PTPN13: variants seen among roughly 807,000 people sequenced by gnomAD.
PTPN13 encodes protein tyrosine phosphatase non-receptor type 13.
A neutral mutation model predicts 284.0 loss-of-function variants in PTPN13; 191 were observed. The observed-to-expected ratio is 0.67, with a 90% CI of 0.60 to 0.76. PTPN13 has a LOEUF of 0.76. Among genes scored for constraint, PTPN13 ranks in the 30% least tolerant of loss-of-function variants. The pLI is 0.00. For missense variants in PTPN13, 2,797 were observed against 2,939.9 expected, an observed-to-expected ratio of 0.95 and a Z score of 1.12; for synonymous variants, 986 against 1,022.3, an observed-to-expected ratio of 0.96 and a Z score of 0.68.
intron 15 of PTPN13, 71 bp downstream of exon 15, chr4:86,735,817 A>T (rs1439569364): frequency 2.1e-6 from 3 of 1,402,546 alleles, no homozygotes; most frequent in Non-Finnish European, 2.9e-6. Context: ...TAGAGGACAC[A>T]TATCTAAGAG....
At chr4:86,607,862 A>T (rs986916580) in intron 1 of PTPN13, among the ~76,000 whole-genome samples, 1 of 152,048 alleles carries the variant, frequency 6.6e-6, no homozygotes, top group Non-Finnish European at 1.5e-5. Flanking sequence ...CACAGCGCCG[A>T]GTTCCTATAA....
intron 15 of PTPN13, among the ~76,000 whole-genome samples, chr4:86,738,261 A>G (rs181654543): frequency 2.0e-5 from 3 of 152,298 alleles, no homozygotes; most frequent in South Asian, 2.1e-4. Flanking sequence ...TGGCAAGTGC[A>G]TGTTTAACTT....
chr4:86,663,293 C>T (rs575697576), intron 2 of PTPN13, among the ~76,000 whole-genome samples: 5 of 152,232 alleles, frequency 3.3e-5, no homozygotes, highest in Admixed American at 2.0e-4. Flanking sequence ...ATTGAAAACC[C>T]GAAGGTACAA....
chr4:86,781,184 C>T (rs947403726), intron 36 of PTPN13, among the ~76,000 whole-genome samples: 4 of 152,140 alleles, frequency 2.6e-5, no homozygotes, highest in African/African-American at 9.7e-5. Context: ...TCCATCTCAA[C>T]TTTTATCTTT....
Position 86,689,123 on chromosome 4 carries a change from G to A in PTPN13, c.479G>A (p.Ser160Asn). The A allele has an allele frequency of 6.2e-7, 1 of 1,613,534 alleles. No homozygotes were observed. Among genetic ancestry groups the A allele is most frequent in the African/African-American group, 1.3e-5 (1 of 75,036 alleles). The change falls in exon 5 of 48, where the codon AGC becomes AAC. Residue 160 changes from serine to asparagine, a missense_variant. Transcript: ENST00000411767. The part of the protein sequence containing the change: ...LDACSAHIRN[S>N]NCAPSFSYVK... ...GCTTGCAGTGCCCACATTAGGAATA[G>A]CAATTGTGCACCCTCATTTTCCTAC...
chr4:86,807,588 T>A lies in PTPN13; in HGVS notation c.6774T>A (p.Asp2258Glu). Residue 2258 changes from aspartate to glutamate, a missense_variant, in exon 45 of 48, where the codon GAT becomes GAA. Asp to Glu is a conservative substitution (Grantham distance 45). Coordinates refer to ENST00000411767, the MANE Select transcript of PTPN13 (RefSeq NM_080683.3). ...ATGCTACAAGAGTGCCTCTTGGAGA[T>A]GAAGGTGGCTATATCAATGCCAGCT... ...PYDATRVPLG[D>E]EGGYINASFI... 2 of 1,613,126 alleles carry A rather than the reference T, an allele frequency of 1.2e-6. No homozygotes were observed. Among genetic ancestry groups the A allele is most frequent in the Non-Finnish European group, 1.7e-6 (2 of 1,179,284 alleles).
chr4:86,663,791 A>G (rs1346843027), intron 2 of PTPN13, among the ~76,000 whole-genome samples: 1 of 152,212 alleles, frequency 6.6e-6, no homozygotes, highest in African/African-American at 2.4e-5. Context: ...TAATGTAATT[A>G]TAATTTGGAT....
intron 2 of PTPN13, among the ~76,000 whole-genome samples, chr4:86,653,534 T>A (rs564141600): frequency 6.6e-6 from 1 of 152,092 alleles, no homozygotes; most frequent in African/African-American, 2.4e-5. Context: ...TGTTTTTTAT[T>A]AACCATTCAC....
Position 86,762,776 on chromosome 4 carries a change from G to A in PTPN13, c.3603G>A (p.Lys1201=). 1.2e-6 allele frequency: 2 copies of A among 1,607,556 alleles called. No homozygotes were observed. Among genetic ancestry groups the A allele is most frequent in the Non-Finnish European group, 1.7e-6 (2 of 1,174,496 alleles). Residue 1201 remains lysine (K), a synonymous_variant, in exon 24 of 48, where the codon AAG becomes AAA. Coordinates refer to ENST00000411767, the MANE Select transcript of PTPN13 (RefSeq NM_080683.3). ...HLTNEMKNYM[K]KSSYMQDSAI... ...CCAATGAGATGAAAAACTACATGAA[G>A]AAATCTTCCTACATGCAAGACAGTG...
intron 23 of PTPN13, 66 bp from the exon 24 acceptor site, chr4:86,762,661 T>G: frequency 8.5e-7 from 1 of 1,180,304 alleles, no homozygotes; most frequent in Non-Finnish European, 1.2e-6. Context: ...TCAAGAAACA[T>G]TGTGTATGTG....
intron 3 of PTPN13, among the ~76,000 whole-genome samples, chr4:86,679,075 C>T (rs1057136428): frequency 1.3e-5 from 2 of 152,194 alleles, no homozygotes; most frequent in Admixed American, 6.5e-5. Context: ...TTGTCTGAGC[C>T]GTCTTTATTT....
Position 86,719,045 on chromosome 4 carries a change from A to G in PTPN13, c.1385+1928A>G, listed in dbSNP as rs570067202. On this transcript the variant is annotated intron_variant, in intron 9 of 47. Transcript: ENST00000411767. The stretch of plus-strand genomic sequence containing the variant: ...AAGGTTTGTTATATAAACACGTGAC[A>G]GGGGTTTGTATACATACTATTTTGT... Among the ~76,000 whole-genome samples, 361 of 152,226 alleles carry G rather than the reference A, an allele frequency of 2.4e-3. 3 individuals carry two copies. Among genetic ancestry groups the G allele is most frequent in the Middle Eastern group, 0.014 (4 of 294 alleles).
rs146521020 is a variant in PTPN13, at chr4:86,758,129, TA to T, written c.3224-128del. 802 of 545,638 alleles carry T rather than the reference TA, an allele frequency of 1.5e-3. 1 individual carries two copies. Among genetic ancestry groups the T allele is most frequent in the African/African-American group, 0.014 (725 of 53,418 alleles). The allele number at this position is 545,638 out of a possible 1,614,324, so 33.8% of individuals were successfully genotyped here. A position where few individuals can be genotyped will look rare whatever the true frequency, so the allele number is the denominator to read the frequency against. On this transcript the variant is annotated intron_variant, in intron 20 of 47. Coordinates refer to ENST00000411767, the MANE Select transcript of PTPN13 (RefSeq NM_080683.3). The stretch of plus-strand genomic sequence containing the variant: ...AAATATAAAATGTTAACAGTATCAG[TA>T]AACTTAAAATATATGTTTAAGTGAC...
intron 46 of PTPN13, 141 bp from the exon 47 acceptor site, chr4:86,810,905 T>C: frequency 1.6e-6 from 1 of 621,916 alleles, no homozygotes; most frequent in Non-Finnish European, 2.6e-6. Flanking sequence ...AGTCATTTTG[T>C]CCAGGAGAGT....
chr4:86,602,937 G>A (rs939638770), intron 1 of PTPN13, among the ~76,000 whole-genome samples: 4 of 152,008 alleles, frequency 2.6e-5, no homozygotes, highest in African/African-American at 7.2e-5. Context: ...GGACTCAAGC[G>A]ATCCTCCTGC....
intron 2 of PTPN13, among the ~76,000 whole-genome samples, chr4:86,642,571 G>A (rs1437874683): frequency 2.0e-5 from 3 of 147,140 alleles, no homozygotes; most frequent in Non-Finnish European, 4.5e-5. Flanking sequence ...TCGTGTTTCA[G>A]CCTCCTGAGT....
chr4:86,758,267 A>G lies in PTPN13; in HGVS notation c.3231A>G (p.Leu1077=). The change falls in exon 21 of 48, where the codon CTA becomes CTG. Residue 1077 remains leucine, a synonymous_variant. Coordinates refer to ENST00000411767, the MANE Select transcript of PTPN13 (RefSeq NM_080683.3). Reference sequence around the variant, plus strand: ...ATTATAAATTCCCAATAGATGTGCTACACAAAAGATGGAGCATAGTATCTT... The same window carrying G: ...ATTATAAATTCCCAATAGATGTGCTGCACAAAAGATGGAGCATAGTATCTT... ...SQVPLKENDV[L]HKRWSIVSSP... 1 of 1,603,094 alleles carries G rather than the reference A, an allele frequency of 6.2e-7. No homozygotes were observed. The highest frequency in any genetic ancestry group is 1.1e-5 in the South Asian group (1 of 89,852).
In PTPN13 at chr4:86,665,507, A is replaced by T. The variant is rs183766186; in HGVS notation, c.116-6858A>T. On this transcript the variant is annotated intron_variant, in intron 2 of 47. Coordinates refer to ENST00000411767, the MANE Select transcript of PTPN13 (RefSeq NM_080683.3). The stretch of plus-strand genomic sequence containing the variant: ...AAACACCAATTTGACAAATGTAGTT[A>T]CTCAATAAGTACTAATTGGTTTGAT... Among the ~76,000 whole-genome samples the T allele has an allele frequency of 2.6e-5, 4 of 152,286 alleles. No homozygotes were observed. The East Asian group carries it at 7.7e-4, about 29-fold the overall frequency.
chr4:86,714,741 A>T (rs1431570651), intron 7 of PTPN13, among the ~76,000 whole-genome samples: 1 of 152,150 alleles, frequency 6.6e-6, no homozygotes, highest in Non-Finnish European at 1.5e-5. Context: ...ATATACATTT[A>T]TTCACTCAGA....
Sources: gnomAD v4.1 joint callset for allele counts (sites outside exome capture counted in the v4.1 genomes callset) on GRCh38, gnomAD v4.1.1 for gene constraint, MANE v1.5 for transcripts, NCBI Gene and HGNC (gene_info 2026-07-23, HGNC 2026-07-21) for gene names.